The following CDH19 variants were observed in gnomAD, a reference collection of about 807,000 sequenced individuals.
CDH19 encodes cadherin 19, also known as cadherin-19.
Under a neutral mutation model 64.2 loss-of-function variants are expected in CDH19, and 67 were observed. That is an observed-to-expected ratio of 1.04 (90% CI 0.86 to 1.28). The LOEUF (loss-of-function observed/expected upper bound fraction) is 1.28. Among genes scored for constraint, CDH19 ranks in the 50% most tolerant of loss-of-function variants. The pLI, the probability that CDH19 is intolerant of heterozygous loss-of-function variation, is 0.00. For synonymous variants in CDH19, 346 were observed against 319.3 expected (o/e 1.08, Z -0.89); for missense variants, 1,030 against 929.0 (o/e 1.11, Z -1.41).
intron 1 of CDH19, among the ~76,000 whole-genome samples, chr18:66,582,182 A>C (rs1988442549): frequency 6.6e-6 from 1 of 152,250 alleles, no homozygotes; most frequent in Non-Finnish European, 1.5e-5. Context: ...TATGTTTTCT[A>C]TTATCTCTTC....
At chr18:66,566,831 T>C (rs997938046) in intron 3 of CDH19, among the ~76,000 whole-genome samples, 17 of 151,924 alleles carry the variant, frequency 1.1e-4, no homozygotes, top group African/African-American at 4.1e-4. Context: ...GATGCTTTTC[T>C]CTTCTCCAGC....
intron 3 of CDH19, among the ~76,000 whole-genome samples, chr18:66,566,227 T>C (rs1987904565): frequency 6.6e-6 from 1 of 151,830 alleles, no homozygotes; most frequent in African/African-American, 2.4e-5. Context: ...TGAACAAATA[T>C]GTTAACATAT....
intron 3 of CDH19, among the ~76,000 whole-genome samples, chr18:66,567,762 A>T (rs1568201706): frequency 6.6e-6 from 1 of 151,698 alleles, no homozygotes; most frequent in Non-Finnish European, 1.5e-5. Context: ...AAATTTTTTG[A>T]GTGAATAACT....
intron 8 of CDH19, chr18:66,532,550 A>G: frequency 3.2e-6 from 1 of 312,986 alleles, no homozygotes; most frequent in Non-Finnish European, 6.3e-6. Flanking sequence ...GGAAAAAAAA[A>G]GCTTTGTATG....
At position 66,512,828 on chromosome 18, in the gene CDH19, T is replaced by A. The variant is rs538622645; in HGVS notation, c.1459-1143A>T. ...GGGCAGGGGCTTGGAAACCCAATAT[T>A]CTGAATCCTGGCTTTGCCATTTAGA... On this transcript the variant is annotated intron_variant, in intron 9 of 11. Coordinates refer to ENST00000262150, the MANE Select transcript of CDH19 (RefSeq NM_021153.4). Among the ~76,000 whole-genome samples the A allele has an allele frequency of 1.5e-4, 22 of 151,526 alleles. No individual in the cohort carries two copies. The South Asian group carries it at 4.6e-3, about 31-fold the overall frequency.
intron 1 of CDH19, among the ~76,000 whole-genome samples, chr18:66,602,903 G>A (rs547694991): frequency 1.1e-4 from 17 of 151,330 alleles, no homozygotes; most frequent in African/African-American, 3.9e-4. Context: ...ATTATAGTAA[G>A]TAGGCATACT....
At chr18:66,546,844 G>A (rs1987135332) in intron 5 of CDH19, among the ~76,000 whole-genome samples, 1 of 152,142 alleles carries the variant, frequency 6.6e-6, no homozygotes, top group Non-Finnish European at 1.5e-5. Flanking sequence ...TGGGAAAAGA[G>A]AGGATAATTG....
At chr18:66,572,747 CATCCA>C (rs1474514311) in intron 1 of CDH19, among the ~76,000 whole-genome samples, 2 of 151,710 alleles carry the variant, frequency 1.3e-5, no homozygotes, top group Admixed American at 1.3e-4. Flanking sequence ...TAAGCTTCCT[CATCCA>C]ATTTCCCAAA....
intron 5 of CDH19, 23 bp downstream of exon 5, chr18:66,551,071 G>T: frequency 7.6e-7 from 1 of 1,307,838 alleles, no homozygotes; most frequent in Non-Finnish European, 1.1e-6. Flanking sequence ...ATGTAATGAA[G>T]ATGTAGAATC....
At chr18:66,566,197 G>A (rs1236346636) in intron 3 of CDH19, among the ~76,000 whole-genome samples, 5 of 150,140 alleles carry the variant, frequency 3.3e-5, no homozygotes, top group South Asian at 4.2e-4. Flanking sequence ...AAATAGAAAC[G>A]TTTATTAACT....
intron 8 of CDH19, among the ~76,000 whole-genome samples, chr18:66,533,819 T>A (rs1986551001): frequency 6.6e-6 from 1 of 152,048 alleles, no homozygotes; most frequent in Non-Finnish European, 1.5e-5. Flanking sequence ...CAAATGCAGC[T>A]AGATGATTTT....
At chr18:66,602,507 AAAAAC>A (rs1229478184) in intron 1 of CDH19, among the ~76,000 whole-genome samples, 3 of 152,038 alleles carry the variant, frequency 2.0e-5, no homozygotes, top group Non-Finnish European at 4.4e-5. Flanking sequence ...TTCCTAAGTG[AAAAAC>A]AAAACAAAAC....
chr18:66,586,286 AAGAAAAAC>A (rs1988575882), intron 1 of CDH19, among the ~76,000 whole-genome samples: 2 of 152,084 alleles, frequency 1.3e-5, no homozygotes, highest in Non-Finnish European at 2.9e-5. Context: ...TCCCAAAACA[AAGAAAAAC>A]AGAAAAACTT....
intron 11 of CDH19, 111 bp from the exon 12 acceptor site, chr18:66,505,413 A>G (rs929011181): frequency 1.2e-6 from 1 of 825,040 alleles, no homozygotes; most frequent in Non-Finnish European, 1.7e-6. Flanking sequence ...TTATGATTAT[A>G]AAACAAAAAG....
intron 7 of CDH19, among the ~76,000 whole-genome samples, chr18:66,535,357 C>T (rs1347168412): frequency 6.6e-6 from 1 of 151,366 alleles, no homozygotes; most frequent in Non-Finnish European, 1.5e-5. Context: ...GATTGTGAAT[C>T]TTTTTTTCCT....
intron 2 of CDH19, among the ~76,000 whole-genome samples, chr18:66,569,134 G>C (rs754531607): frequency 6.6e-6 from 1 of 151,500 alleles, no homozygotes; most frequent in Non-Finnish European, 1.5e-5. Context: ...TCTCTTGCAT[G>C]AATATACATG....
intron 1 of CDH19, among the ~76,000 whole-genome samples, chr18:66,594,468 C>T (rs937761764): frequency 6.6e-6 from 1 of 152,108 alleles, no homozygotes; most frequent in Admixed American, 6.6e-5. Context: ...ATACATTCTT[C>T]TTATGTACGT....
chr18:66,508,845 G>A (rs917495751), intron 11 of CDH19, 150 bp downstream of exon 11: 31 of 803,776 alleles, frequency 3.9e-5, no homozygotes, highest in Admixed American at 5.9e-5. Context: ...AGCAATAAAC[G>A]TACACACAGA....
In CDH19 at chr18:66,543,851, C is replaced by G. The variant is rs375127202; in HGVS notation, c.1214+120G>C. On this transcript the variant is annotated intron_variant, in intron 7 of 11. Coordinates refer to ENST00000262150, the MANE Select transcript of CDH19 (RefSeq NM_021153.4). Reference sequence around the variant, plus strand: ...TGAGCTGAGATTGCGCCACTGTACTCGAGCCTAGAAGACAGAGTGAGACTC... The same window carrying G: ...TGAGCTGAGATTGCGCCACTGTACTGGAGCCTAGAAGACAGAGTGAGACTC... 7 of 732,172 alleles carry G rather than the reference C, an allele frequency of 9.6e-6. No homozygotes were observed. In the South Asian group the frequency reaches 1.6e-4, roughly 16 times the overall value. 45.4% of individuals were successfully genotyped at this position (732,172 alleles called of 1,614,324 possible).
Sources: allele counts gnomAD v4.1 joint callset (sites outside exome capture counted in the v4.1 genomes callset), GRCh38; gene constraint gnomAD v4.1.1; transcripts MANE v1.5; gene names NCBI Gene and HGNC (gene_info 2026-07-23, HGNC 2026-07-21).